The following NCOA3 variants were observed in gnomAD, a reference collection of about 807,000 sequenced individuals.
The protein encoded by NCOA3 is nuclear receptor coactivator 3, also known as CBP-interacting protein.
NCOA3 carries 51 observed loss-of-function variants against 158.8 expected under a neutral mutation model. That is an observed-to-expected ratio of 0.32 (90% CI 0.26 to 0.41). NCOA3 has a LOEUF of 0.41. NCOA3 is among the 10% of genes least tolerant of loss of function. NCOA3 has a pLI of 1.00. For missense variants in NCOA3, 1,510 were observed against 1,746.6 expected, an observed-to-expected ratio of 0.86 and a Z score of 2.41; for synonymous variants, 537 against 592.4, an observed-to-expected ratio of 0.91 and a Z score of 1.36.
At chr20:47,558,119 G>A (rs1262620923) in intron 1 of NCOA3, among the ~76,000 whole-genome samples, 3 of 148,910 alleles carry the variant, frequency 2.0e-5, no homozygotes, top group South Asian at 4.2e-4. Context: ...GTGCAACGGC[G>A]CAATCTCGGC....
At chr20:47,593,100 A>ATGTTTTG (rs2085675791) in intron 2 of NCOA3, among the ~76,000 whole-genome samples, 1 of 151,880 alleles carries the variant, frequency 6.6e-6, no homozygotes, top group African/African-American at 2.4e-5. Context: ...CACCCTGCTA[A>ATGTTTTG]TGTTTTGTAT....
At chr20:47,551,121 A>C (rs926872472) in intron 1 of NCOA3, among the ~76,000 whole-genome samples, 4 of 152,198 alleles carry the variant, frequency 2.6e-5, no homozygotes, top group African/African-American at 9.6e-5. Context: ...AGAGTTGTAG[A>C]ATTTCTGACT....
intron 2 of NCOA3, among the ~76,000 whole-genome samples, chr20:47,591,838 T>G (rs570390387): frequency 5.1e-4 from 77 of 152,258 alleles, no homozygotes; most frequent in Non-Finnish European, 1.0e-3. Flanking sequence ...TTTTTACGTT[T>G]GGTTTAAAAT....
chr20:47,627,870 ATAT>A (rs1220518952), intron 7 of NCOA3, 49 bp from the exon 8 acceptor site: 1 of 1,584,808 alleles, frequency 6.3e-7, no homozygotes, highest in Non-Finnish European at 8.7e-7. Context: ...TATTGAACAT[ATAT>A]ATCCAAAAGT....
In NCOA3 at chr20:47,560,542, G is replaced by A. The variant is rs570539888; in HGVS notation, c.-98-22641G>A. 3.2e-4 allele frequency among the ~76,000 whole-genome samples: 49 copies of A among 152,254 alleles called. 1 individual carries two copies. The South Asian group carries it at 9.7e-3, about 30-fold the overall frequency. On this transcript the variant is annotated intron_variant, in intron 1 of 22. Coordinates refer to ENST00000371998, the MANE Select transcript of NCOA3 (RefSeq NM_181659.3). ...AATGAATTAGAGTTCCTGTTACTCT[G>A]CATGCTCACAACATTTGGTATTGTC...
At chr20:47,644,904 G>T (rs1175681583) in intron 17 of NCOA3, among the ~76,000 whole-genome samples, 1 of 151,676 alleles carries the variant, frequency 6.6e-6, no homozygotes, top group African/African-American at 2.4e-5. Context: ...CACCATATTG[G>T]CCAGGCTGGT....
intron 1 of NCOA3, among the ~76,000 whole-genome samples, chr20:47,580,745 C>T (rs1329911424): frequency 4.6e-5 from 7 of 152,096 alleles, no homozygotes; most frequent in Non-Finnish European, 1.0e-4. Context: ...GAAGTTCTGC[C>T]TACCTTTTCT....
At chr20:47,519,949 A>C (rs1440657296) in intron 1 of NCOA3, among the ~76,000 whole-genome samples, 1 of 151,096 alleles carries the variant, frequency 6.6e-6, no homozygotes, top group Admixed American at 6.6e-5. Flanking sequence ...TTTTTAGTAG[A>C]ACCGGGGTTT....
intron 14 of NCOA3, 105 bp downstream of exon 14, chr20:47,639,307 C>A: frequency 9.8e-7 from 1 of 1,022,278 alleles, no homozygotes. Flanking sequence ...TTTTGAATAA[C>A]GTTAGTATGT....
intron 1 of NCOA3, among the ~76,000 whole-genome samples, chr20:47,569,206 G>C (rs757932952): frequency 6.6e-6 from 1 of 151,854 alleles, no homozygotes. Flanking sequence ...AATTAGCTGG[G>C]CATGGTGGCA....
At chr20:47,536,625 GTGA>G (rs2084638107) in intron 1 of NCOA3, among the ~76,000 whole-genome samples, 3 of 152,158 alleles carry the variant, frequency 2.0e-5, no homozygotes, top group Non-Finnish European at 4.4e-5. Flanking sequence ...TCTTTATTAA[GTGA>G]TGATTGATAT....
At chr20:47,627,440 GT>G in intron 6 of NCOA3, 120 bp from the exon 7 acceptor site, 1 of 797,358 alleles carries the variant, frequency 1.3e-6, no homozygotes, top group Non-Finnish European at 2.0e-6. Context: ...AGCCTGAAAT[GT>G]TAGTATAGAT....
In NCOA3 at chr20:47,600,524, G is replaced by A. The variant is rs546928678; in HGVS notation, c.-20+17263G>A. ...AATGTGTTTTTTTTTTTTGGCGGGC[G>A]TGTGGGTTGGGGGAGATGGAGTCTC... On this transcript the variant is annotated intron_variant, in intron 2 of 22. Coordinates refer to ENST00000371998, the MANE Select transcript of NCOA3 (RefSeq NM_181659.3). Among the ~76,000 whole-genome samples the A allele has an allele frequency of 2.1e-4, 31 of 148,714 alleles. No homozygotes were observed. The East Asian group carries it at 2.8e-3, about 13-fold the overall frequency.
intron 20 of NCOA3, among the ~76,000 whole-genome samples, 180 bp from the exon 21 acceptor site, chr20:47,652,226 A>G (rs1328040912): frequency 6.6e-6 from 1 of 152,080 alleles, no homozygotes; most frequent in Non-Finnish European, 1.5e-5. Flanking sequence ...TCTAGTCGTC[A>G]TCTTGGTGAG....
chr20:47,505,255 T>G (rs1018792986), intron 1 of NCOA3, among the ~76,000 whole-genome samples: 3 of 151,576 alleles, frequency 2.0e-5, no homozygotes, highest in Non-Finnish European at 2.9e-5. Flanking sequence ...GAGACAAAGT[T>G]TACCATGTTG....
intron 2 of NCOA3, among the ~76,000 whole-genome samples, chr20:47,585,046 C>CTTTTTTTTTTTTTTTT (rs11473989): frequency 1.1e-5 from 1 of 91,344 alleles, no homozygotes; most frequent in Non-Finnish European, 2.0e-5. Flanking sequence ...CCTTTCTTAA[C>CTTTTTTTTTTTTTTTT]TTTTTTTTTT....
intron 1 of NCOA3, among the ~76,000 whole-genome samples, chr20:47,547,245 C>T (rs1224454395): frequency 6.6e-6 from 1 of 152,086 alleles, no homozygotes; most frequent in Non-Finnish European, 1.5e-5. Flanking sequence ...TAAACACACT[C>T]TGTATTTCCT....
intron 2 of NCOA3, among the ~76,000 whole-genome samples, chr20:47,585,329 C>G (rs1361948085): frequency 6.6e-6 from 1 of 152,172 alleles, no homozygotes; most frequent in Non-Finnish European, 1.5e-5. Flanking sequence ...TAGGCGTGAG[C>G]CACTACGCCT....
At chr20:47,570,361 A>G (rs1292764129) in intron 1 of NCOA3, among the ~76,000 whole-genome samples, 2 of 152,196 alleles carry the variant, frequency 1.3e-5, no homozygotes, top group Non-Finnish European at 2.9e-5. Context: ...GGATTGCTTG[A>G]GCGTGGGTGG....
Sources: gnomAD v4.1 joint callset for allele counts (sites outside exome capture counted in the v4.1 genomes callset) on GRCh38, gnomAD v4.1.1 for gene constraint, MANE v1.5 for transcripts, NCBI Gene and HGNC (gene_info 2026-07-23, HGNC 2026-07-21) for gene names.